Variants in MICU1 observed in about 807,000 individuals in gnomAD.
MICU1 encodes the protein mitochondrial calcium uptake 1, also known as calcium uptake protein 1, mitochondrial.
In MICU1, 45 loss-of-function variants were observed where a neutral mutation model predicts 56.8. That is an observed-to-expected ratio of 0.79 (90% CI 0.62 to 1.02). The LOEUF (loss-of-function observed/expected upper bound fraction) is 1.02. Among genes scored for constraint, MICU1 ranks in the 50% least tolerant of loss-of-function variants. The pLI, the probability that MICU1 is intolerant of heterozygous loss-of-function variation, is 0.00. For missense variants in MICU1, 504 were observed against 587.1 expected (o/e 0.86, Z 1.46); for synonymous variants, 186 against 195.1 (o/e 0.95, Z 0.39).
chr10:72,580,272 C>T (rs1840861927), intron 1 of MICU1, among the ~76,000 whole-genome samples: 1 of 152,096 alleles, frequency 6.6e-6, no homozygotes, highest in Non-Finnish European at 1.5e-5. Flanking sequence ...TTAATACCCA[C>T]TATTCCATCC....
At chr10:72,400,040 AATGTATGT>A (rs1216689431) in intron 10 of MICU1, among the ~76,000 whole-genome samples, 1 of 152,232 alleles carries the variant, frequency 6.6e-6, no homozygotes, top group Non-Finnish European at 1.5e-5. Flanking sequence ...TACAAAATTA[AATGTATGT>A]ATGTATTTAC....
chr10:72,398,804 C>G (rs1260850990), intron 10 of MICU1, among the ~76,000 whole-genome samples: 4 of 152,102 alleles, frequency 2.6e-5, no homozygotes, highest in Non-Finnish European at 5.9e-5. Context: ...TAATTAATAG[C>G]CTACCAACCA....
chr10:72,499,371 C>G (rs1866951840), intron 6 of MICU1, among the ~76,000 whole-genome samples: 1 of 152,132 alleles, frequency 6.6e-6, no homozygotes. Context: ...TGATATATTT[C>G]AAAGCATTAT....
chr10:72,381,619 C>A (rs1174510507), intron 10 of MICU1, among the ~76,000 whole-genome samples: 1 of 152,024 alleles, frequency 6.6e-6, no homozygotes, highest in East Asian at 1.9e-4. Context: ...GCCCGCTGAC[C>A]CCCTGTGTAC....
chr10:72,464,912 AC>A (rs1190172041), intron 8 of MICU1, among the ~76,000 whole-genome samples: 1 of 152,184 alleles, frequency 6.6e-6, no homozygotes, highest in African/African-American at 2.4e-5. Flanking sequence ...TATTGGACCT[AC>A]CCCATGAAGT....
intron 9 of MICU1, among the ~76,000 whole-genome samples, chr10:72,420,781 T>C (rs779371312): frequency 6.6e-5 from 10 of 151,614 alleles, no homozygotes; most frequent in Non-Finnish European, 1.5e-4. Context: ...GCTCAGGTGA[T>C]CCTCCCACCT....
intron 5 of MICU1, among the ~76,000 whole-genome samples, chr10:72,514,755 G>T (rs1043492534): frequency 6.6e-6 from 1 of 152,052 alleles, no homozygotes; most frequent in Non-Finnish European, 1.5e-5. Flanking sequence ...GGCTTGCATG[G>T]GGCTTAAATG....
chr10:72,452,094 C>G (rs972673377), intron 8 of MICU1, among the ~76,000 whole-genome samples: 1 of 152,134 alleles, frequency 6.6e-6, no homozygotes, highest in Non-Finnish European at 1.5e-5. Flanking sequence ...TCTTGAACTC[C>G]TGACCTCAGG....
intron 9 of MICU1, among the ~76,000 whole-genome samples, chr10:72,420,934 G>A (rs1473127006): frequency 1.4e-5 from 2 of 148,056 alleles, no homozygotes; most frequent in African/African-American, 2.5e-5. Flanking sequence ...CCCAGGAGGC[G>A]GAGGTTGCGA....
intron 1 of MICU1, among the ~76,000 whole-genome samples, chr10:72,572,618 T>G (rs546589234): frequency 1.3e-5 from 2 of 151,926 alleles, no homozygotes; most frequent in East Asian, 3.9e-4. Context: ...AATAATAAAA[T>G]ATTATTAAAA....
chr10:72,504,202 C>A (rs529595646), intron 6 of MICU1, among the ~76,000 whole-genome samples: 1 of 152,014 alleles, frequency 6.6e-6, no homozygotes, highest in East Asian at 1.9e-4. Context: ...AAAGAGGAAA[C>A]CCAGAGGTAT....
chr10:72,465,942 T>G (rs1865783736), intron 8 of MICU1, among the ~76,000 whole-genome samples: 1 of 152,190 alleles, frequency 6.6e-6, no homozygotes, highest in African/African-American at 2.4e-5. Flanking sequence ...TTTTTCCTAC[T>G]TCATAATTTC....
chr10:72,539,072 C>G lies in MICU1; in HGVS notation c.494-5283G>C, dbSNP rs144641842. Among the ~76,000 whole-genome samples the G allele has an allele frequency of 7.8e-4, 119 of 152,154 alleles. 1 individual carries two copies. In the East Asian group the frequency reaches 0.02, roughly 26 times the overall value. ...TTGTAAATATATATGAACCCAATCT[C>G]AGTGCACCTAAATATAAAGCAAATA... On this transcript the variant is annotated intron_variant, in intron 4 of 11. Transcript: ENST00000361114.
At chr10:72,418,489 C>T (rs2132126606) in intron 9 of MICU1, among the ~76,000 whole-genome samples, 1 of 152,298 alleles carries the variant, frequency 6.6e-6, no homozygotes, top group East Asian at 1.9e-4. Flanking sequence ...TTAGACCAGA[C>T]TCTGAATGGG....
chr10:72,515,190 T>C (rs537676730), intron 5 of MICU1, among the ~76,000 whole-genome samples: 29 of 152,324 alleles, frequency 1.9e-4, no homozygotes, highest in Middle Eastern at 3.4e-3. Context: ...CTTGGGGTGG[T>C]CACCAGGTAA....
chr10:72,578,227 A>G (rs1840800680), intron 1 of MICU1, among the ~76,000 whole-genome samples: 1 of 152,100 alleles, frequency 6.6e-6, no homozygotes, highest in African/African-American at 2.4e-5. Flanking sequence ...TCACTTGCTA[A>G]AGGCTCAGAT....
chr10:72,482,872 T>TTATTG (rs926254759), intron 6 of MICU1, among the ~76,000 whole-genome samples: 7 of 150,602 alleles, frequency 4.6e-5, no homozygotes, highest in South Asian at 4.2e-4. Context: ...TTATTTTATT[T>TTATTG]TTTTACAGAG....
intron 3 of MICU1, among the ~76,000 whole-genome samples, chr10:72,558,043 CAG>C (rs1288703753): frequency 6.6e-6 from 1 of 152,126 alleles, no homozygotes; most frequent in Non-Finnish European, 1.5e-5. Context: ...ACAAATAGCT[CAG>C]AAACAACAAT....
At chr10:72,492,523 G>A (rs972481655) in intron 6 of MICU1, among the ~76,000 whole-genome samples, 6 of 152,156 alleles carry the variant, frequency 3.9e-5, no homozygotes, top group African/African-American at 1.4e-4. Flanking sequence ...AGCACGTTGG[G>A]AGGTTGAGGC....
Sources: gnomAD v4.1 joint callset for allele counts (sites outside exome capture counted in the v4.1 genomes callset) on GRCh38, gnomAD v4.1.1 for gene constraint, MANE v1.5 for transcripts, NCBI Gene and HGNC (gene_info 2026-07-23, HGNC 2026-07-21) for gene names.